The following ARHGAP44 variants were observed in gnomAD, a reference collection of about 807,000 sequenced individuals.
ARHGAP44 encodes rho GTPase-activating protein 44.
Under a neutral mutation model 106.8 loss-of-function variants are expected in ARHGAP44, and 43 were observed. The ratio of observed to expected loss-of-function variants is 0.40; its 90% CI spans 0.32 to 0.52. The LOEUF is 0.52. Ranked by LOEUF, ARHGAP44 falls within the 20% of genes least tolerant of loss-of-function variation. The pLI is 0.48. For synonymous variants in ARHGAP44, 439 were observed against 410.3 expected, an observed-to-expected ratio of 1.07 and a Z score of -0.85; for missense variants, 866 against 1,050.5, an observed-to-expected ratio of 0.82 and a Z score of 2.43.
chr17:12,894,389 A>G (rs1182969736), intron 1 of ARHGAP44, among the ~76,000 whole-genome samples: 1 of 152,184 alleles, frequency 6.6e-6, no homozygotes, highest in Non-Finnish European at 1.5e-5. Flanking sequence ...TGAGGCAGGC[A>G]GTGCTAATGG....
chr17:12,857,076 A>G (rs1382975297), intron 1 of ARHGAP44, among the ~76,000 whole-genome samples: 1 of 152,164 alleles, frequency 6.6e-6, no homozygotes, highest in African/African-American at 2.4e-5. Flanking sequence ...CCTCAATGAC[A>G]TGTTGCTAAT....
At chr17:12,989,884 C>A in intron 20 of ARHGAP44, 148 bp from the exon 21 acceptor site, 1 of 1,187,596 alleles carries the variant, frequency 8.4e-7, no homozygotes, top group Non-Finnish European at 1.2e-6. Context: ...ATCGACTGTG[C>A]AACACAATGC....
intron 1 of ARHGAP44, among the ~76,000 whole-genome samples, chr17:12,832,953 C>T (rs1449465228): frequency 6.6e-6 from 1 of 152,200 alleles, no homozygotes; most frequent in Non-Finnish European, 1.5e-5. Flanking sequence ...CCTGGCATGG[C>T]CTAACCTTTT....
intron 4 of ARHGAP44, among the ~76,000 whole-genome samples, chr17:12,913,266 T>C (rs376514725): frequency 6.6e-6 from 1 of 152,236 alleles, no homozygotes. Flanking sequence ...TTAAGCAAAT[T>C]TTGGTTCAAT....
At chr17:12,811,716 C>T (rs1434329436) in intron 1 of ARHGAP44, among the ~76,000 whole-genome samples, 1 of 152,128 alleles carries the variant, frequency 6.6e-6, no homozygotes, top group East Asian at 1.9e-4. Flanking sequence ...CAGTTGATGT[C>T]AGAGAACAGT....
At chr17:12,931,140 C>T (rs1462694608) in intron 7 of ARHGAP44, among the ~76,000 whole-genome samples, 3 of 152,122 alleles carry the variant, frequency 2.0e-5, no homozygotes, top group South Asian at 2.1e-4. Context: ...GGCGTGATCT[C>T]GGCTCATTGC....
chr17:12,838,264 G>A (rs2035293436), intron 1 of ARHGAP44, among the ~76,000 whole-genome samples: 1 of 152,022 alleles, frequency 6.6e-6, no homozygotes, highest in Non-Finnish European at 1.5e-5. Flanking sequence ...AAAAAAGTAG[G>A]ATACATATAC....
Position 12,915,698 on chromosome 17 carries a change from G to A in ARHGAP44, c.276-202G>A, listed in dbSNP as rs963197064. Among the ~76,000 whole-genome samples, 11 of 152,192 alleles carry A rather than the reference G, an allele frequency of 7.2e-5. No homozygotes were observed. In the South Asian group the frequency reaches 2.1e-3, roughly 29 times the overall value. ...CCCTTGTGCCCCAGGCACACAATGA[G>A]TGGCACCTTTTGGAAGAATTGATTA... On this transcript the variant is annotated intron_variant, in intron 4 of 20. Coordinates refer to ENST00000379672, the MANE Select transcript of ARHGAP44 (RefSeq NM_014859.6).
intron 6 of ARHGAP44, among the ~76,000 whole-genome samples, chr17:12,925,686 G>A (rs779745180): frequency 5.3e-5 from 8 of 152,146 alleles, no homozygotes; most frequent in Non-Finnish European, 1.0e-4. Flanking sequence ...CCCCAGAGAA[G>A]GATGGTGGTA....
At chr17:12,907,197 C>G (rs1343298851) in intron 3 of ARHGAP44, among the ~76,000 whole-genome samples, 2 of 152,154 alleles carry the variant, frequency 1.3e-5, no homozygotes, top group Non-Finnish European at 2.9e-5. Flanking sequence ...ACTGGAAGAC[C>G]TGAGAAGGTG....
chr17:12,980,279 T>A, intron 19 of ARHGAP44, 46 bp downstream of exon 19: 1 of 1,551,210 alleles, frequency 6.4e-7, no homozygotes, highest in Non-Finnish European at 8.7e-7. Context: ...CGGAGGTGGC[T>A]GTGACATTCC....
chr17:12,896,390 C>T lies in ARHGAP44; in HGVS notation c.94-17C>T, dbSNP rs754137391. On this transcript the variant is annotated splice_polypyrimidine_tract_variant and intron_variant, in intron 2 of 20. Transcript: ENST00000379672. ...CTTGCCCTCTCTCAGTGGCACCACC[C>T]GCTCTTCTCTCTGCAGGTGGAGAAG... The T allele has an allele frequency of 2.9e-5, 45 of 1,573,980 alleles. No homozygotes were observed. Among genetic ancestry groups the T allele is most frequent in the Admixed American group, 1.9e-4 (10 of 53,832 alleles).
At chr17:12,909,478 C>A (rs1279536424) in intron 4 of ARHGAP44, among the ~76,000 whole-genome samples, 1 of 151,938 alleles carries the variant, frequency 6.6e-6, no homozygotes, top group Non-Finnish European at 1.5e-5. Context: ...ACAAGAGAAT[C>A]AAACAATATT....
intron 1 of ARHGAP44, among the ~76,000 whole-genome samples, chr17:12,884,795 C>A (rs993998894): frequency 2.6e-5 from 4 of 152,138 alleles, no homozygotes; most frequent in African/African-American, 9.7e-5. Flanking sequence ...ATGTATGAGG[C>A]CTTTGGGGAC....
chr17:12,916,867 T>G (rs553468297), intron 5 of ARHGAP44, among the ~76,000 whole-genome samples: 1 of 152,364 alleles, frequency 6.6e-6, no homozygotes, highest in Admixed American at 6.5e-5. Flanking sequence ...TCTCAGTTGT[T>G]TTTAATTCGT....
At chr17:12,987,228 C>T (rs552555906) in intron 20 of ARHGAP44, 15 of 1,334,238 alleles carry the variant, frequency 1.1e-5, no homozygotes, top group East Asian at 2.5e-5. Flanking sequence ...CTCCGCTCCT[C>T]GTCTCTGCAT....
At chr17:12,888,782 A>G (rs1019071186) in intron 1 of ARHGAP44, among the ~76,000 whole-genome samples, 4 of 152,010 alleles carry the variant, frequency 2.6e-5, no homozygotes, top group Admixed American at 1.3e-4. Flanking sequence ...TTTTTGGTGG[A>G]TATACACTTA....
intron 5 of ARHGAP44, among the ~76,000 whole-genome samples, chr17:12,917,714 A>G (rs929459206): frequency 1.3e-5 from 2 of 152,186 alleles, no homozygotes; most frequent in East Asian, 3.9e-4. Context: ...ACTCCCTACA[A>G]TGATGGAAAT....
chr17:12,860,392 A>G (rs780103952), intron 1 of ARHGAP44, among the ~76,000 whole-genome samples: 4 of 152,056 alleles, frequency 2.6e-5, no homozygotes, highest in African/African-American at 4.8e-5. Flanking sequence ...GTTATATAGC[A>G]CCCTCTATCC....
Sources: gnomAD v4.1 joint callset for allele counts (sites outside exome capture counted in the v4.1 genomes callset) on GRCh38, gnomAD v4.1.1 for gene constraint, MANE v1.5 for transcripts, NCBI Gene and HGNC (gene_info 2026-07-23, HGNC 2026-07-21) for gene names.